CNKSR2: variants seen among roughly 807,000 people sequenced by gnomAD.
The protein encoded by CNKSR2 is CNK homolog protein 2.
Under a neutral mutation model 84.4 loss-of-function variants are expected in CNKSR2, and 14 were observed. The observed-to-expected ratio is 0.17, with a 90% confidence interval of 0.11 to 0.26. The LOEUF (loss-of-function observed/expected upper bound fraction) is 0.26, where lower values mean the gene tolerates loss of function less well. Ranked by LOEUF, CNKSR2 falls within the 10% of genes least tolerant of loss-of-function variation. The pLI is 1.00. For synonymous variants in CNKSR2, 275 were observed against 277.9 expected, an observed-to-expected ratio of 0.99 and a Z score of 0.10; for missense variants, 485 against 771.2, an observed-to-expected ratio of 0.63 and a Z score of 4.40.
chrX:21,461,081 T>C (rs1343656800), intron 4 of CNKSR2, among the ~76,000 whole-genome samples: 1 of 112,064 alleles, frequency 8.9e-6, no homozygotes, highest in East Asian at 2.8e-4. Flanking sequence ...GTCACAGCTG[T>C]ATTTTTAGTT....
intron 2 of CNKSR2, chrX:21,428,705 A>G (rs1014155584): frequency 1.1e-4 from 12 of 111,612 alleles, no homozygotes; most frequent in Non-Finnish European, 2.3e-4. Context: ...GGAACTGTAA[A>G]TAAATCATTT....
chrX:21,393,635 T>C (rs752794329), intron 1 of CNKSR2, among the ~76,000 whole-genome samples: 2 of 112,388 alleles, frequency 1.8e-5, no homozygotes, highest in South Asian at 7.3e-4. Flanking sequence ...AACGACAGAA[T>C]GTTAGAAGCA....
At chrX:21,460,619 A>G (rs946817892) in intron 4 of CNKSR2, among the ~76,000 whole-genome samples, 2 of 111,544 alleles carry the variant, frequency 1.8e-5, no homozygotes, top group African/African-American at 3.3e-5. Context: ...CTGTTGTGCT[A>G]TCAAATACTA....
At chrX:21,553,763 C>T (rs193269000) in intron 11 of CNKSR2, among the ~76,000 whole-genome samples, 3 of 111,564 alleles carry the variant, frequency 2.7e-5, no homozygotes, top group African/African-American at 9.7e-5. Context: ...AGACACACTG[C>T]TTTACTAAAA....
chrX:21,565,363 A>T (rs1358468448), intron 13 of CNKSR2, among the ~76,000 whole-genome samples: 1 of 111,547 alleles, frequency 9.0e-6, no homozygotes, highest in Non-Finnish European at 1.9e-5. Context: ...GGTAATCAGG[A>T]ATATTGCGAA....
At chrX:21,410,629 A>G (rs909516458) in intron 1 of CNKSR2, among the ~76,000 whole-genome samples, 2 of 111,776 alleles carry the variant, frequency 1.8e-5, no homozygotes, top group Non-Finnish European at 1.9e-5. Context: ...CTTACTTGTG[A>G]TAAGATACTA....
chrX:21,586,852 A>C, intron 13 of CNKSR2, among the ~76,000 whole-genome samples: 1 of 112,017 alleles, frequency 8.9e-6, no homozygotes, highest in Non-Finnish European at 1.9e-5. Context: ...GAATTCCCCT[A>C]AAAGGCATCG....
intron 20 of CNKSR2, among the ~76,000 whole-genome samples, chrX:21,621,803 A>G (rs2092602951): frequency 9.0e-6 from 1 of 110,817 alleles, no homozygotes; most frequent in African/African-American, 3.3e-5. Flanking sequence ...TCATTTTAAA[A>G]TGCTTCATTT....
intron 4 of CNKSR2, among the ~76,000 whole-genome samples, chrX:21,449,518 G>A (rs1191722042): frequency 9.0e-6 from 1 of 110,503 alleles, no homozygotes; most frequent in Non-Finnish European, 1.9e-5. Context: ...GTCTTCATAT[G>A]CACATCTGTC....
At chrX:21,644,401 T>A (rs2092700836) in intron 20 of CNKSR2, 1 of 112,247 alleles carries the variant, frequency 8.9e-6, no homozygotes, top group Non-Finnish European at 1.9e-5. Flanking sequence ...ATTTGTTTTG[T>A]TTTCATTTTT....
intron 2 of CNKSR2, chrX:21,426,877 A>G (rs1020120848): frequency 3.5e-5 from 14 of 404,815 alleles, no homozygotes; most frequent in Non-Finnish European, 5.4e-5. Context: ...TAACAGTAAG[A>G]CTTGGGTATA....
At chrX:21,606,292 T>A (rs1166525608) in intron 18 of CNKSR2, among the ~76,000 whole-genome samples, 1 of 112,205 alleles carries the variant, frequency 8.9e-6, no homozygotes, top group Non-Finnish European at 1.9e-5. Context: ...TGTTAGATAA[T>A]CAGTGAACTG....
intron 4 of CNKSR2, among the ~76,000 whole-genome samples, chrX:21,460,348 TTAGAG>T (rs770390389): frequency 1.9e-4 from 21 of 112,237 alleles, no homozygotes; most frequent in Admixed American, 3.8e-4. Flanking sequence ...GCTTGAACAC[TTAGAG>T]TAATGTTTAA....
At chrX:21,479,110 C>A (rs1220910401) in intron 5 of CNKSR2, among the ~76,000 whole-genome samples, 1 of 111,482 alleles carries the variant, frequency 9.0e-6, no homozygotes, top group Non-Finnish European at 1.9e-5. Flanking sequence ...CATTCTATGT[C>A]CACATGTATA....
chrX:21,511,967 C>T, intron 8 of CNKSR2, among the ~76,000 whole-genome samples: 1 of 111,529 alleles, frequency 9.0e-6, no homozygotes, highest in Non-Finnish European at 1.9e-5. Flanking sequence ...TTAGGTGCCC[C>T]TGTTGGGGGC....
chrX:21,520,745 G>T (rs1266460161), intron 9 of CNKSR2, among the ~76,000 whole-genome samples: 1 of 107,935 alleles, frequency 9.3e-6, no homozygotes, highest in African/African-American at 3.3e-5. Flanking sequence ...ATCAGTGCTG[G>T]AATTCTCAAC....
At chrX:21,438,138 A>G (rs2090734283) in intron 3 of CNKSR2, among the ~76,000 whole-genome samples, 1 of 111,880 alleles carries the variant, frequency 8.9e-6, no homozygotes, top group South Asian at 3.7e-4. Flanking sequence ...AACATCATAG[A>G]GTGTGCTTAC....
intron 1 of CNKSR2, among the ~76,000 whole-genome samples, chrX:21,415,782 T>TTA (rs986053421): frequency 4.7e-5 from 5 of 105,934 alleles, no homozygotes; most frequent in Admixed American, 2.1e-4. Context: ...ACTTAAAGTA[T>TTA]TATATATATA....
At chrX:21,616,964 C>T (rs1009350096) in intron 20 of CNKSR2, among the ~76,000 whole-genome samples, 6 of 112,058 alleles carry the variant, frequency 5.4e-5, no homozygotes, top group African/African-American at 1.3e-4. Context: ...TAAGTAATGA[C>T]ATCAGATGTA....
Sources: allele counts gnomAD v4.1 joint callset (sites outside exome capture counted in the v4.1 genomes callset), GRCh38; gene constraint gnomAD v4.1.1; transcripts MANE v1.5; gene names NCBI Gene and HGNC (gene_info 2026-07-23, HGNC 2026-07-21).